TCF4: variants seen among roughly 807,000 people sequenced by gnomAD.
TCF4 encodes SL3-3 enhancer factor 2.
In TCF4, 3 loss-of-function variants were observed where a neutral mutation model predicts 82.1. The observed-to-expected ratio is 0.04, with a 90% CI of 0.02 to 0.09. The LOEUF (loss-of-function observed/expected upper bound fraction) is 0.09, where lower values mean the gene tolerates loss of function less well. Ranked by LOEUF, TCF4 falls within the 10% of genes least tolerant of loss-of-function variation. TCF4 has a pLI of 1.00. For missense variants in TCF4, 518 were observed against 852.7 expected, an observed-to-expected ratio of 0.61 and a Z score of 4.89; for synonymous variants, 276 against 309.6, an observed-to-expected ratio of 0.89 and a Z score of 1.14.
At chr18:55,450,063 A>T (rs931442763) in intron 5 of TCF4, among the ~76,000 whole-genome samples, 3 of 152,192 alleles carry the variant, frequency 2.0e-5, no homozygotes, top group Non-Finnish European at 1.5e-5. Context: ...AACACAGGGC[A>T]ACTACTTAGA....
At chr18:55,554,201 T>C (rs1237393799) in intron 3 of TCF4, among the ~76,000 whole-genome samples, 1 of 152,172 alleles carries the variant, frequency 6.6e-6, no homozygotes, top group Non-Finnish European at 1.5e-5. Context: ...TTATGGGTAA[T>C]GCCATTCCAT....
chr18:55,494,921 T>G lies in TCF4; in HGVS notation c.146-30784A>C, dbSNP rs905658835. Among the ~76,000 whole-genome samples, 8 of 151,600 alleles carry G rather than the reference T, an allele frequency of 5.3e-5. No individual in the cohort carries two copies. In the East Asian group the frequency reaches 1.4e-3, roughly 26 times the overall value. ...ATACTAATAGAAAGGAGTACCTTAT[T>G]GCAACATCTATAAAGATCTGAAACA... On this transcript the variant is annotated intron_variant, in intron 3 of 19. Transcript: ENST00000354452.
At chr18:55,336,014 G>A (rs542076861) in intron 8 of TCF4, among the ~76,000 whole-genome samples, 1 of 151,460 alleles carries the variant, frequency 6.6e-6, no homozygotes, top group African/African-American at 2.4e-5. Flanking sequence ...AAAGCCAGTT[G>A]GTCTACTTTT....
At chr18:55,262,772 A>G (rs962159850) in intron 11 of TCF4, among the ~76,000 whole-genome samples, 18 of 151,946 alleles carry the variant, frequency 1.2e-4, no homozygotes, top group Admixed American at 1.2e-3. Flanking sequence ...TATGCTTGTT[A>G]TTTTCATATA....
chr18:55,351,054 C>T, intron 6 of TCF4, 51 bp from the exon 7 acceptor site: 3 of 1,608,424 alleles, frequency 1.9e-6, no homozygotes, highest in Non-Finnish European at 1.7e-6. Flanking sequence ...TTTTTACTTT[C>T]ACCACCTCCC....
At chr18:55,635,521 AG>A (rs971131165) in intron 1 of TCF4, among the ~76,000 whole-genome samples, 7 of 151,840 alleles carry the variant, frequency 4.6e-5, no homozygotes, top group African/African-American at 1.7e-4. Context: ...AAAAAAAAAA[AG>A]AAAAGAAAAA....
chr18:55,352,911 C>T (rs904767469), intron 6 of TCF4, among the ~76,000 whole-genome samples: 1 of 152,120 alleles, frequency 6.6e-6, no homozygotes, highest in Non-Finnish European at 1.5e-5. Flanking sequence ...ATCACAACCT[C>T]CTTACAGTTT....
At chr18:55,331,902 AG>A (rs2077641574) in intron 8 of TCF4, among the ~76,000 whole-genome samples, 1 of 152,312 alleles carries the variant, frequency 6.6e-6, no homozygotes, top group South Asian at 2.1e-4. Flanking sequence ...AGGGGGCGTG[AG>A]GGATCTAATT....
At chr18:55,454,128 G>A (rs1412519914) in intron 5 of TCF4, among the ~76,000 whole-genome samples, 1 of 152,118 alleles carries the variant, frequency 6.6e-6, no homozygotes, top group Non-Finnish European at 1.5e-5. Context: ...CTCCCAAAGT[G>A]CTAGGATTAC....
In TCF4 at chr18:55,502,389, C is replaced by T. The variant is rs570025361; in HGVS notation, c.146-38252G>A. Among the ~76,000 whole-genome samples the T allele has an allele frequency of 9.8e-5, 15 of 152,322 alleles. No individual in the cohort carries two copies. The South Asian group carries it at 2.9e-3, about 29-fold the overall frequency. ...TGAGAGGTCCTTTTGGTCATCTCAT[C>T]TAGATTGTTCCTCACTGCTACCTTG... On this transcript the variant is annotated intron_variant, in intron 3 of 19. Coordinates refer to ENST00000354452, the MANE Select transcript of TCF4 (RefSeq NM_001083962.2).
intron 8 of TCF4, among the ~76,000 whole-genome samples, chr18:55,303,788 G>A (rs75595647): frequency 0.046 from 6,954 of 152,136 alleles, 259 homozygotes; most frequent in South Asian, 0.17. Context: ...AGGTTAACAC[G>A]ACATGAAAAT....
At chr18:55,345,068 T>C (rs2080870106) in intron 8 of TCF4, among the ~76,000 whole-genome samples, 1 of 152,034 alleles carries the variant, frequency 6.6e-6, no homozygotes, top group South Asian at 2.1e-4. Context: ...CAAACAAAAA[T>C]TCAGAAATCC....
At chr18:55,321,283 C>T (rs1335841734) in intron 8 of TCF4, 1 of 225,752 alleles carries the variant, frequency 4.4e-6, no homozygotes, top group Non-Finnish European at 9.0e-6. Flanking sequence ...CTAACTTGGG[C>T]TTTCTCAATT....
At chr18:55,431,067 T>C (rs974415242) in intron 5 of TCF4, among the ~76,000 whole-genome samples, 1 of 152,124 alleles carries the variant, frequency 6.6e-6, no homozygotes, top group East Asian at 1.9e-4. Flanking sequence ...AGACACAAGT[T>C]AGAAGAAGCT....
chr18:55,545,501 T>C (rs572310555), intron 3 of TCF4, among the ~76,000 whole-genome samples: 182 of 152,236 alleles, frequency 1.2e-3, no homozygotes, highest in Admixed American at 2.0e-3. Context: ...CAGGCTGGAG[T>C]GCAGTGGCGG....
At chr18:55,562,041 T>C (rs1412348378) in intron 3 of TCF4, among the ~76,000 whole-genome samples, 2 of 152,222 alleles carry the variant, frequency 1.3e-5, no homozygotes, top group African/African-American at 4.8e-5. Flanking sequence ...TACAGTCCCC[T>C]GGGCAAAATA....
At chr18:55,438,901 T>C (rs1466484738) in intron 5 of TCF4, among the ~76,000 whole-genome samples, 1 of 152,212 alleles carries the variant, frequency 6.6e-6, no homozygotes, top group East Asian at 1.9e-4. Context: ...CTTTGAACAC[T>C]AAGCAAAGAC....
chr18:55,590,595 C>G (rs1424451804), upstream of TCF4, among the ~76,000 whole-genome samples: 1 of 152,154 alleles, frequency 6.6e-6, no homozygotes, highest in Non-Finnish European at 1.5e-5. Flanking sequence ...GAAGCCACCA[C>G]GAAAGAAATA....
At chr18:55,443,724 A>C (rs2095479937) in intron 5 of TCF4, among the ~76,000 whole-genome samples, 1 of 152,174 alleles carries the variant, frequency 6.6e-6, no homozygotes, top group Non-Finnish European at 1.5e-5. Context: ...CACTTGCCTT[A>C]AACTTTCTCT....
Sources: gnomAD v4.1 joint callset for allele counts (sites outside exome capture counted in the v4.1 genomes callset) on GRCh38, gnomAD v4.1.1 for gene constraint, MANE v1.5 for transcripts, NCBI Gene and HGNC (gene_info 2026-07-23, HGNC 2026-07-21) for gene names.